Variants in C8orf34 observed in about 807,000 individuals in gnomAD.
C8orf34 encodes the protein chromosome 8 open reading frame 34.
A neutral mutation model predicts 68.3 loss-of-function variants in C8orf34; 65 were observed. The observed-to-expected ratio is 0.95, with a 90% CI of 0.78 to 1.17. The LOEUF is 1.17. C8orf34 is among the 50% of genes most tolerant of loss of function. The pLI is 0.00. For synonymous variants in C8orf34, 244 were observed against 241.2 expected, an observed-to-expected ratio of 1.01 and a Z score of -0.11; for missense variants, 664 against 655.4, an observed-to-expected ratio of 1.01 and a Z score of -0.14.
At chr8:68,454,900 C>G (rs1454874665) in intron 3 of C8orf34, among the ~76,000 whole-genome samples, 2 of 151,954 alleles carry the variant, frequency 1.3e-5, no homozygotes, top group African/African-American at 4.8e-5. Flanking sequence ...AAATTTCTAT[C>G]TGAGCACTGC....
At position 68,579,511 on chromosome 8, in the gene C8orf34, A is replaced by G. The variant is rs147439836; in HGVS notation, c.1105+46362A>G. Among the ~76,000 whole-genome samples, 611 of 152,140 alleles carry G rather than the reference A, an allele frequency of 4.0e-3. 5 individuals carry two copies. The highest frequency in any genetic ancestry group is 0.014 in the African/African-American group (582 of 41,496). The stretch of plus-strand genomic sequence containing the variant: ...AACCTTGACTACTATTTTGTCCTTT[A>G]TTGCTTTAAGGAACTAGTCTGATGG... On this transcript the variant is annotated intron_variant, in intron 7 of 13. Coordinates refer to ENST00000518698, the MANE Select transcript of C8orf34 (RefSeq NM_052958.4).
chr8:68,596,523 G>C (rs902572715), intron 7 of C8orf34, among the ~76,000 whole-genome samples: 9 of 152,096 alleles, frequency 5.9e-5, no homozygotes, highest in Admixed American at 4.6e-4. Context: ...TGAGACTCCT[G>C]TATTAGAGAC....
intron 7 of C8orf34, among the ~76,000 whole-genome samples, chr8:68,638,434 G>T (rs1818910887): frequency 6.6e-6 from 1 of 151,202 alleles, no homozygotes; most frequent in Non-Finnish European, 1.5e-5. Context: ...GATTAAGGCT[G>T]CTTCTTTAGC....
chr8:68,719,445 G>A (rs960904953), intron 9 of C8orf34, among the ~76,000 whole-genome samples: 2 of 151,854 alleles, frequency 1.3e-5, no homozygotes, highest in African/African-American at 4.8e-5. Context: ...CTTTATAAAT[G>A]TTCATCTTTG....
At chr8:68,553,888 A>AG (rs950845150) in intron 7 of C8orf34, among the ~76,000 whole-genome samples, 16 of 151,682 alleles carry the variant, frequency 1.1e-4, no homozygotes, top group African/African-American at 3.2e-4. Flanking sequence ...TTTTATGAAA[A>AG]AAAATGAGAA....
Position 68,815,946 on chromosome 8 carries a change from G to T in C8orf34, c.1609+1G>T, listed in dbSNP as rs1224990623. 2.5e-6 allele frequency: 4 copies of T among 1,613,526 alleles called. No individual in the cohort carries two copies. The South Asian group carries it at 4.4e-5, about 18-fold the overall frequency. On this transcript the variant is annotated splice_donor_variant, in intron 13 of 13. Coordinates refer to ENST00000518698, the MANE Select transcript of C8orf34 (RefSeq NM_052958.4). LOFTEE classifies it high-confidence loss of function. ...TCTTGTCCTACGCTGGTCTACTCTG[G>T]TATGTTTGCTCAGGGCACTTAATAT...
At chr8:68,381,551 T>C (rs1271659489) in intron 1 of C8orf34, among the ~76,000 whole-genome samples, 1 of 150,956 alleles carries the variant, frequency 6.6e-6, no homozygotes, top group East Asian at 1.9e-4. Flanking sequence ...GCTAACAAGG[T>C]GAAACCCCGT....
intron 7 of C8orf34, among the ~76,000 whole-genome samples, chr8:68,598,405 A>G (rs13263606): frequency 0.42 from 63,558 of 151,882 alleles, 14,296 homozygotes; most frequent in Non-Finnish European, 0.51. Flanking sequence ...TGGGGACCCA[A>G]GGTTTATATG....
chr8:68,332,974 T>G (rs1805694833), intron 1 of C8orf34, among the ~76,000 whole-genome samples: 1 of 152,204 alleles, frequency 6.6e-6, no homozygotes, highest in African/African-American at 2.4e-5. Flanking sequence ...AGTGTATTAA[T>G]TGCATCGAAA....
At chr8:68,778,513 A>G (rs1823584375) in intron 11 of C8orf34, among the ~76,000 whole-genome samples, 1 of 152,186 alleles carries the variant, frequency 6.6e-6, no homozygotes, top group Non-Finnish European at 1.5e-5. Flanking sequence ...AAAACTACAG[A>G]GATGATATGG....
chr8:68,687,639 A>G (rs1783262196), intron 8 of C8orf34, among the ~76,000 whole-genome samples: 1 of 152,144 alleles, frequency 6.6e-6, no homozygotes, highest in Non-Finnish European at 1.5e-5. Flanking sequence ...CTTAAATCTA[A>G]GACCTAAAAC....
intron 1 of C8orf34, among the ~76,000 whole-genome samples, chr8:68,387,392 G>A (rs758697897): frequency 6.6e-6 from 1 of 152,096 alleles, no homozygotes; most frequent in African/African-American, 2.4e-5. Flanking sequence ...ATGGTTAAGT[G>A]GACCTGGGAA....
At chr8:68,765,997 T>C (rs984305488) in intron 10 of C8orf34, among the ~76,000 whole-genome samples, 2 of 152,222 alleles carry the variant, frequency 1.3e-5, no homozygotes, top group African/African-American at 4.8e-5. Flanking sequence ...AATGTGAAAC[T>C]GGTTTTTTGG....
At chr8:68,735,077 G>C (rs1822085764) in intron 10 of C8orf34, among the ~76,000 whole-genome samples, 1 of 152,178 alleles carries the variant, frequency 6.6e-6, no homozygotes, top group Admixed American at 6.5e-5. Context: ...CTTAGTTTTA[G>C]AGAAGGTAAG....
intron 5 of C8orf34, among the ~76,000 whole-genome samples, chr8:68,503,453 T>A (rs1396264052): frequency 6.6e-6 from 1 of 152,068 alleles, no homozygotes; most frequent in African/African-American, 2.4e-5. Flanking sequence ...TTGATGAAAA[T>A]GTGTGTGGGT....
At chr8:68,694,606 T>C (rs967679330) in intron 8 of C8orf34, among the ~76,000 whole-genome samples, 3 of 152,146 alleles carry the variant, frequency 2.0e-5, no homozygotes, top group Non-Finnish European at 4.4e-5. Context: ...TAAATACTTT[T>C]CCTATTTGTT....
intron 7 of C8orf34, among the ~76,000 whole-genome samples, chr8:68,555,842 A>G (rs79314521): frequency 2.8e-3 from 431 of 152,274 alleles, no homozygotes; most frequent in African/African-American, 9.3e-3. Context: ...CAATATGCCA[A>G]AATGCATTTA....
Position 68,709,007 on chromosome 8 carries a change from A to G in C8orf34, c.1255A>G (p.Asn419Asp). 1 of 1,600,444 alleles carries G rather than the reference A, an allele frequency of 6.2e-7. No homozygotes were observed. Among genetic ancestry groups the G allele is most frequent in the East Asian group, 2.2e-5 (1 of 44,752 alleles). Reference sequence around the variant, plus strand: ...TTAATTATTTAGGCTTCAAGGAGACAACCTGGAAGAAAGGACAGAAGAGTC... The same window carrying G: ...TTAATTATTTAGGCTTCAAGGAGACGACCTGGAAGAAAGGACAGAAGAGTC... The part of the protein sequence containing the change: ...CSRCARLQGD[N>D]LEERTEESLP... Residue 419 changes from asparagine (N) to aspartate (D), a missense_variant, in exon 9 of 14, where the codon AAC becomes GAC. Coordinates refer to ENST00000518698, the MANE Select transcript of C8orf34 (RefSeq NM_052958.4).
At chr8:68,653,273 T>C (rs1446638588) in intron 8 of C8orf34, among the ~76,000 whole-genome samples, 1 of 152,212 alleles carries the variant, frequency 6.6e-6, no homozygotes, top group African/African-American at 2.4e-5. Flanking sequence ...ATTACATTGA[T>C]TTCACCAATG....
Sources: allele counts gnomAD v4.1 joint callset (sites outside exome capture counted in the v4.1 genomes callset), GRCh38; gene constraint gnomAD v4.1.1; transcripts MANE v1.5; gene names NCBI Gene and HGNC (gene_info 2026-07-23, HGNC 2026-07-21).